The following TANGO2 variants were observed in gnomAD, a reference collection of about 807,000 sequenced individuals.
TANGO2 encodes transport and golgi organization 2 homolog, also known as transport and Golgi organization protein 2 homolog.
In TANGO2, 26 loss-of-function variants were observed where a neutral mutation model predicts 39.1. The observed-to-expected ratio is 0.67, with a 90% CI of 0.49 to 0.92. TANGO2 has a LOEUF of 0.92. Ranked by LOEUF, TANGO2 falls within the 40% of genes least tolerant of loss-of-function variation. The pLI, the probability that TANGO2 is intolerant of heterozygous loss-of-function variation, is 0.00. For missense variants in TANGO2, 326 were observed against 360.1 expected, an observed-to-expected ratio of 0.91 and a Z score of 0.77; for synonymous variants, 131 against 144.5, an observed-to-expected ratio of 0.91 and a Z score of 0.67.
chr22:20,053,136 C>T (rs762033641), intron 4 of TANGO2, among the ~76,000 whole-genome samples: 22 of 152,070 alleles, frequency 1.4e-4, no homozygotes, highest in Non-Finnish European at 2.8e-4. Context: ...TTCCCCGAGA[C>T]GACAGCTCTG....
upstream of TANGO2, chr22:20,017,217 T>TCGCTGCG (rs1412055065): frequency 2.0e-5 from 3 of 152,394 alleles, no homozygotes; most frequent in Middle Eastern, 3.4e-3. Flanking sequence ...CGCCTGCTAC[T>TCGCTGCG]CGCTGCGCGC....
At chr22:20,031,448 C>T (rs556405267) in intron 1 of TANGO2, among the ~76,000 whole-genome samples, 14 of 152,180 alleles carry the variant, frequency 9.2e-5, no homozygotes, top group Non-Finnish European at 1.5e-4. Context: ...GTGCTGGTGT[C>T]GTAGGTCGGT....
intron 1 of TANGO2, among the ~76,000 whole-genome samples, chr22:20,029,332 GCAT>G (rs1167849888): frequency 6.6e-6 from 1 of 152,204 alleles, no homozygotes; most frequent in African/African-American, 2.4e-5. Flanking sequence ...GTTCTCGAAA[GCAT>G]CAGCAGATGG....
intron 3 of TANGO2, 57 bp from the exon 4 acceptor site, chr22:20,052,408 C>G: frequency 6.4e-7 from 1 of 1,554,712 alleles, no homozygotes. Context: ...GGCTGGGAAC[C>G]AGGTGGGGGA....
chr22:20,047,228 G>GTTTTTTTTTTTTTTTTTTTTTTT (rs1281456111), intron 3 of TANGO2, among the ~76,000 whole-genome samples: 1 of 132,746 alleles, frequency 7.5e-6, no homozygotes. Context: ...TTTTTGGTTT[G>GTTTTTTTTTTTTTTTTTTTTTTT]TTTGTTTTTT....
chr22:20,063,524 C>A, intron 8 of TANGO2, 82 bp downstream of exon 8: 1 of 1,249,482 alleles, frequency 8.0e-7, no homozygotes, highest in Non-Finnish European at 1.1e-6. Flanking sequence ...AGCCAAGTGC[C>A]CATAGCCAGA....
intron 3 of TANGO2, among the ~76,000 whole-genome samples, chr22:20,049,721 A>T (rs1221248218): frequency 6.6e-6 from 1 of 151,520 alleles, no homozygotes; most frequent in Admixed American, 6.6e-5. Context: ...CTTTTTCGGG[A>T]CTATTTTGGC....
chr22:20,043,369 C>G lies in TANGO2; in HGVS notation c.71C>G (p.Ala24Gly). The G allele has an allele frequency of 6.2e-7, 1 of 1,612,766 alleles. No homozygotes were observed. The highest frequency in any genetic ancestry group is 2.2e-5 in the East Asian group (1 of 44,844). Residue 24 changes from alanine to glycine, a missense_variant, in exon 3 of 9, where the codon GCC becomes GGC. By Grantham distance (60) the Ala-to-Gly change is moderately conservative. Coordinates refer to ENST00000327374, the MANE Select transcript of TANGO2 (RefSeq NM_152906.7). ...SKNAYRLILA[A>G]NRDEFYSRPS... is the part of the protein sequence containing the mutation. ...TCCTCTTGCAGGCTCATCTTGGCAG[C>G]CAACAGGGATGAATTCTACAGCCGA...
chr22:20,059,245 C>T (rs1362832971), intron 6 of TANGO2, among the ~76,000 whole-genome samples: 1 of 152,128 alleles, frequency 6.6e-6, no homozygotes, highest in Non-Finnish European at 1.5e-5. Flanking sequence ...TGCCCTGAAC[C>T]CTCGAGCCAG....
intron 2 of TANGO2, among the ~76,000 whole-genome samples, chr22:20,040,177 C>G (rs1194887343): frequency 6.6e-6 from 1 of 152,184 alleles, no homozygotes; most frequent in East Asian, 1.9e-4. Context: ...AAATCCCTGG[C>G]AAACCACCAG....
At chr22:20,030,702 T>C (rs2041690527) in intron 1 of TANGO2, among the ~76,000 whole-genome samples, 1 of 151,712 alleles carries the variant, frequency 6.6e-6, no homozygotes, top group Non-Finnish European at 1.5e-5. Flanking sequence ...TGACCTCAGG[T>C]GATCCACCCG....
intron 5 of TANGO2, chr22:20,055,676 G>A (rs2047195318): frequency 3.6e-6 from 2 of 551,912 alleles, no homozygotes; most frequent in South Asian, 2.1e-5. Context: ...CGGCATGGCA[G>A]GAGGGCATTT....
At chr22:20,042,417 C>T (rs1318796973) in intron 2 of TANGO2, among the ~76,000 whole-genome samples, 1 of 152,208 alleles carries the variant, frequency 6.6e-6, no homozygotes, top group Non-Finnish European at 1.5e-5. Context: ...AGTTTTCTTT[C>T]CTCAAGACCA....
chr22:20,022,802 C>A (rs757361226), intron 1 of TANGO2, among the ~76,000 whole-genome samples: 10 of 152,214 alleles, frequency 6.6e-5, no homozygotes, highest in Admixed American at 1.3e-4. Context: ...CAGAAGGGGT[C>A]TGGAGAGAAA....
chr22:20,033,274 G>A, intron 1 of TANGO2: 1 of 516,550 alleles, frequency 1.9e-6, no homozygotes, highest in African/African-American at 2.0e-5. Context: ...CACACCTCCA[G>A]TGCCAGGCTG....
In TANGO2 at chr22:20,057,317, C is replaced by T. The variant is rs111961205; in HGVS notation, c.451+1304C>T. 1.3e-5 allele frequency among the ~76,000 whole-genome samples: 2 copies of T among 152,180 alleles called. No individual in the cohort carries two copies. Among genetic ancestry groups the T allele is most frequent in the Non-Finnish European group, 2.9e-5 (2 of 68,024 alleles). On this transcript the variant is annotated intron_variant, in intron 6 of 8. Coordinates refer to ENST00000327374, the MANE Select transcript of TANGO2 (RefSeq NM_152906.7). The surrounding 1 kb of genome is among the most constrained non-coding windows in gnomAD (Gnocchi z 4.1). ...CGTCTGCCCAGTGATGTTTCATCCA[C>T]AGATAGGCCCAGCCCCCATTTGCTA...
intron 2 of TANGO2, among the ~76,000 whole-genome samples, chr22:20,038,301 C>A (rs1254521473): frequency 1.3e-5 from 2 of 152,212 alleles, no homozygotes; most frequent in Non-Finnish European, 2.9e-5. Flanking sequence ...TCTGTTGTTG[C>A]AGCCGCCTGG....
At position 20,024,541 on chromosome 22, in the gene TANGO2, C is replaced by T. The variant is rs186666055; in HGVS notation, c.-40+3295C>T. Among the ~76,000 whole-genome samples the T allele has an allele frequency of 1.5e-3, 233 of 152,320 alleles. 1 individual carries two copies. The highest frequency in any genetic ancestry group is 5.3e-3 in the African/African-American group (219 of 41,574). On this transcript the variant is annotated intron_variant, in intron 1 of 8. Coordinates refer to ENST00000327374, the MANE Select transcript of TANGO2 (RefSeq NM_152906.7). ...TTACAAGGGATGGGGATTGGGCGCC[C>T]GGCTGCTCAGCCCTGCAGCACCAGC...
intron 7 of TANGO2, among the ~76,000 whole-genome samples, chr22:20,062,618 C>T (rs764169677): frequency 6.6e-6 from 1 of 152,222 alleles, no homozygotes; most frequent in Non-Finnish European, 1.5e-5. Context: ...TGGGGCAGGC[C>T]GAGGACCGGC....
Sources: allele counts gnomAD v4.1 joint callset (sites outside exome capture counted in the v4.1 genomes callset), GRCh38; gene constraint gnomAD v4.1.1; non-coding constraint Gnocchi (gnomAD v3.1); transcripts MANE v1.5; gene names NCBI Gene and HGNC (gene_info 2026-07-23, HGNC 2026-07-21).